ISL2: variants seen among roughly 807,000 people sequenced by gnomAD.
The protein encoded by ISL2 is insulin gene enhancer protein ISL-2.
Under a neutral mutation model 34.6 loss-of-function variants are expected in ISL2, and 17 were observed. The ratio of observed to expected loss-of-function variants is 0.49; its 90% CI spans 0.34 to 0.74. The LOEUF (loss-of-function observed/expected upper bound fraction) is 0.74, where lower values mean the gene tolerates loss of function less well. ISL2 is among the 30% of genes least tolerant of loss of function. ISL2 has a pLI of 0.01. For synonymous variants in ISL2, 232 were observed against 225.5 expected (o/e 1.03, Z -0.26); for missense variants, 469 against 515.2 (o/e 0.91, Z 0.87).
chr15:76,339,726 C>T, intron 3 of ISL2: 10 of 986,426 alleles, frequency 1.0e-5, no homozygotes, highest in Non-Finnish European at 1.2e-5. Flanking sequence ...CCGTCCATAA[C>T]CGTGGATGAG....
Position 76,340,469 on chromosome 15 carries a change from C to A in ISL2, c.705C>A (p.Ile235=). The A allele has an allele frequency of 1.2e-6, 2 of 1,613,852 alleles. No individual in the cohort carries two copies. The highest frequency in any genetic ancestry group is 1.7e-6 in the Non-Finnish European group (2 of 1,180,008). Residue 235 remains isoleucine, a synonymous_variant, in exon 4 of 6, where the codon ATC becomes ATA. Coordinates refer to ENST00000290759, the MANE Select transcript of ISL2 (RefSeq NM_145805.3). ...TGACCGGCCTGAGCCCGCGGGTCAT[C>A]CGCGTCTGGTTCCAGAACAAGCGCT... ...VEMTGLSPRV[I]RVWFQNKRCK... is the part of the protein sequence containing the mutation.
At chr15:76,338,217 C>G in intron 2 of ISL2, 35 bp from the exon 3 acceptor site, 1 of 1,521,678 alleles carries the variant, frequency 6.6e-7, no homozygotes, top group Non-Finnish European at 8.8e-7. Context: ...CGGCCGCAGG[C>G]CCAGCGCTGA....
At position 76,340,568 on chromosome 15, in the gene ISL2, C is replaced by A; in HGVS notation, c.795+9C>A. On this transcript the variant is annotated intron_variant, in intron 4 of 5. Coordinates refer to ENST00000290759, the MANE Select transcript of ISL2 (RefSeq NM_145805.3). ...AGCACAGCGACAAGACGGTGAGCAG[C>A]CGCTGGGCCGGAGGCTCGAGTCGGG... 1 of 1,596,060 alleles carries A rather than the reference C, an allele frequency of 6.3e-7. No homozygotes were observed. The highest frequency in any genetic ancestry group is 1.1e-5 in the South Asian group (1 of 89,492).
rs752297031 is a variant in ISL2 at position 76,341,834 on chromosome 15, G to A, written c.1079G>A (p.Ter360=). ...ATGGTGCCGAGTCCCGTGGAGACGT[G>A]AGGGGGACCCCTCCCTGCCAGCCCG... is the stretch of plus-strand genomic sequence containing the variant. ...NSMVPSPVET[*] Residue 360 remains the stop codon, a stop_retained_variant, in exon 6 of 6, where the codon TGA becomes TAA. Coordinates refer to ENST00000290759, the MANE Select transcript of ISL2 (RefSeq NM_145805.3). 1 of 1,608,292 alleles carries A rather than the reference G, an allele frequency of 6.2e-7. No homozygotes were observed. Among genetic ancestry groups the A allele is most frequent in the South Asian group, 1.1e-5 (1 of 90,976 alleles).
rs867277605 is a variant in ISL2 at position 76,338,178 on chromosome 15, C to T, written c.249-74C>T. 113 of 1,483,534 alleles carry T rather than the reference C, an allele frequency of 7.6e-5. 1 individual carries two copies. The South Asian group carries it at 1.1e-3, about 15-fold the overall frequency. The allele number at this position is 1,483,534 out of a possible 1,614,324, so 91.9% of individuals were successfully genotyped here. ...GCCACAAAGTGTCCTGGGCGCGCGC[C>T]GGAGCCGTAGCAGCCAGGGAGATGA... is the stretch of plus-strand genomic sequence containing the variant. On this transcript the variant is annotated intron_variant, in intron 2 of 5. Coordinates refer to ENST00000290759, the MANE Select transcript of ISL2 (RefSeq NM_145805.3).
At chr15:76,341,067 A>G (rs192837346) in intron 4 of ISL2, 67 bp from the exon 5 acceptor site, 4 of 1,416,554 alleles carry the variant, frequency 2.8e-6, no homozygotes, top group Non-Finnish European at 3.8e-6. Flanking sequence ...CTGGAGCTCC[A>G]GTCTCAAAGG....
intron 5 of ISL2, 81 bp downstream of exon 5, chr15:76,341,382 G>GC (rs2040192645): frequency 1.4e-6 from 2 of 1,408,220 alleles, no homozygotes; most frequent in Non-Finnish European, 9.6e-7. Flanking sequence ...GAGAGGGGAG[G>GC]GGGTGGCCTT....
At chr15:76,339,554 G>C (rs1010471666) in intron 3 of ISL2, 1 of 985,526 alleles carries the variant, frequency 1.0e-6, no homozygotes, top group African/African-American at 1.7e-5. Flanking sequence ...CTGTTTCCCC[G>C]GGATGGAGAG....
At chr15:76,340,654 C>G in intron 4 of ISL2, 95 bp downstream of exon 4, 3 of 1,237,370 alleles carry the variant, frequency 2.4e-6, no homozygotes, top group Non-Finnish European at 3.4e-6. Flanking sequence ...CCTGGGAGAT[C>G]CAGGGAGAAC....
rs1385916851 is a variant in ISL2 at position 76,336,821 on chromosome 15, C to T, written c.-63C>T. 2.7e-6 allele frequency: 4 copies of T among 1,460,430 alleles called. No individual in the cohort carries two copies. The highest frequency in any genetic ancestry group is 1.4e-5 in the African/African-American group (1 of 71,650). 90.5% of individuals were successfully genotyped at this position (1,460,430 alleles called of 1,614,324 possible). A position where few individuals can be genotyped will look rare whatever the true frequency, so the allele number is the denominator to read the frequency against. ...GAGTTAGTTAGCAAAGAGCCGAGGC[C>T]GGGCGCGCGACCCTCGTCCTTCTGC... On this transcript the variant is annotated 5_prime_UTR_variant, in exon 1 of 6. Transcript: ENST00000290759.
intron 3 of ISL2, chr15:76,339,741 C>T (rs2040179695): frequency 1.0e-6 from 1 of 988,578 alleles, no homozygotes; most frequent in Admixed American, 5.9e-5. Flanking sequence ...GATGAGTCTT[C>T]TACACATGTG....
chr15:76,338,499 G>GGGC lies in ISL2; in HGVS notation c.497_498insGCG (p.Gly166_Leu167insArg), dbSNP rs756961498. ...CCCCGGCCCGCTTCCCGGCGCCCGCGGCCTGCATCTGCCCGGTAAGCGCGC... is the reference window on the plus strand; with the variant it reads ...CCCCGGCCCGCTTCCCGGCGCCCGCGGGCGCCTGCATCTGCCCGGTAAGCGCGC... On this transcript the variant is annotated inframe_insertion, in exon 3 of 6. Coordinates refer to ENST00000290759, the MANE Select transcript of ISL2 (RefSeq NM_145805.3). 2.1e-5 allele frequency: 28 copies of GGGC among 1,316,522 alleles called. No individual in the cohort carries two copies. Among genetic ancestry groups the GGGC allele is most frequent in the Non-Finnish European group, 2.5e-5 (26 of 1,039,918 alleles). 81.6% of individuals were successfully genotyped at this position (1,316,522 alleles called of 1,614,324 possible).
intron 3 of ISL2, chr15:76,339,364 T>C (rs942924812): frequency 1.0e-6 from 1 of 985,210 alleles, no homozygotes; most frequent in African/African-American, 1.7e-5. Context: ...GACCTAGAAA[T>C]TCGTAGAGGG....
chr15:76,340,642 G>T, intron 4 of ISL2, 83 bp downstream of exon 4: 1 of 1,387,074 alleles, frequency 7.2e-7, no homozygotes, highest in Non-Finnish European at 9.9e-7. Flanking sequence ...TTCTGGGCGA[G>T]CCCTGGGAGA....
chr15:76,338,061 C>T, intron 2 of ISL2, 94 bp downstream of exon 2: 1 of 1,321,932 alleles, frequency 7.6e-7, no homozygotes, highest in South Asian at 1.7e-5. Flanking sequence ...CGGCCCTGCC[C>T]AGGGAGAAGG....
chr15:76,337,375 A>C, intron 1 of ISL2: 1 of 312,242 alleles, frequency 3.2e-6, no homozygotes, highest in Non-Finnish European at 5.8e-6. Context: ...CTGTGTTGGG[A>C]TAGGAGGCAG....
intron 3 of ISL2, chr15:76,338,796 A>C (rs550177256): frequency 1.0e-6 from 1 of 985,174 alleles, no homozygotes; most frequent in Admixed American, 6.1e-5. Context: ...TGCTAGGAGC[A>C]GAAGAGTGGA....
intron 3 of ISL2, chr15:76,339,837 G>A (rs1017170497): frequency 9.9e-7 from 1 of 1,005,874 alleles, no homozygotes; most frequent in Non-Finnish European, 1.2e-6. Context: ...CCAGTCCCCT[G>A]GGCAGCGCCT....
At position 76,341,121 on chromosome 15, in the gene ISL2, G is replaced by A. The variant is rs1315619188; in HGVS notation, c.796-13G>A. On this transcript the variant is annotated splice_polypyrimidine_tract_variant and intron_variant, in intron 4 of 5. Transcript: ENST00000290759. Reference sequence around the variant, plus strand: ...CTAACTCGAGCACCTACTGCCTTCTGCTTGCCCCGCAGAGCCTTCAGGGAC... The same window carrying A: ...CTAACTCGAGCACCTACTGCCTTCTACTTGCCCCGCAGAGCCTTCAGGGAC... 3.9e-6 allele frequency: 6 copies of A among 1,548,644 alleles called. No homozygotes were observed. Among genetic ancestry groups the A allele is most frequent in the Non-Finnish European group, 5.2e-6 (6 of 1,147,592 alleles).
Sources: gnomAD v4.1 joint callset for allele counts on GRCh38, gnomAD v4.1.1 for gene constraint, MANE v1.5 for transcripts, NCBI Gene and HGNC (gene_info 2026-07-23, HGNC 2026-07-21) for gene names.